Variants in BMP3 observed in about 807,000 individuals in gnomAD.
BMP3 encodes bone morphogenetic protein 3, also known as bone morphogenetic protein 3 (osteogenic).
In BMP3, 23 loss-of-function variants were observed where a neutral mutation model predicts 38.1. The ratio of observed to expected loss-of-function variants is 0.60; its 90% CI spans 0.43 to 0.86. The LOEUF (loss-of-function observed/expected upper bound fraction) is 0.86. BMP3 is among the 40% of genes least tolerant of loss of function. BMP3 has a pLI of 0.00. For synonymous variants in BMP3, 258 were observed against 225.7 expected (o/e 1.14, Z -1.28); for missense variants, 628 against 579.6 (o/e 1.08, Z -0.86).
At chr4:81,040,873 T>A (rs755041494) in intron 1 of BMP3, among the ~76,000 whole-genome samples, 3 of 152,228 alleles carry the variant, frequency 2.0e-5, no homozygotes, top group African/African-American at 4.8e-5. Context: ...CCCTTTTTTT[T>A]ATCATTATTA....
At position 81,045,988 on chromosome 4, in the gene BMP3, A is replaced by C. The variant is rs760185107; in HGVS notation, c.567A>C (p.Lys189Asn). 8.7e-6 allele frequency: 14 copies of C among 1,614,170 alleles called. No individual in the cohort carries two copies. Among genetic ancestry groups the C allele is most frequent in the Non-Finnish European group, 1.2e-5 (14 of 1,180,024 alleles). Residue 189 changes from lysine to asparagine, a missense_variant, in exon 2 of 3, where the codon AAA becomes AAC. Transcript: ENST00000282701. ...LLGHLSVDMA[K>N]SHRDIMSWLS... is the part of the protein sequence containing the mutation. The stretch of plus-strand genomic sequence containing the variant: ...GCCATCTGTCAGTGGATATGGCCAA[A>C]TCTCATCGAGATATTATGTCCTGGC...
chr4:81,047,804 G>C (rs1016454056), intron 2 of BMP3, among the ~76,000 whole-genome samples: 1 of 152,186 alleles, frequency 6.6e-6, no homozygotes, highest in East Asian at 1.9e-4. Flanking sequence ...GTCTGGCACA[G>C]TGGCATGCCC....
intron 1 of BMP3, among the ~76,000 whole-genome samples, chr4:81,035,028 A>G (rs1039354603): frequency 6.6e-6 from 1 of 152,066 alleles, no homozygotes; most frequent in Non-Finnish European, 1.5e-5. Context: ...TTGAAATTTA[A>G]AAGTACTTGG....
At chr4:81,053,159 C>T (rs1740441053) in intron 2 of BMP3, among the ~76,000 whole-genome samples, 186 bp from the exon 3 acceptor site, 3 of 152,108 alleles carry the variant, frequency 2.0e-5, no homozygotes. Context: ...GCAGCAGGCA[C>T]TTAATAAATA....
In BMP3 at chr4:81,031,608, C is replaced by T. The variant is rs1043609124; in HGVS notation, c.316+8C>T. ...TTCGGGCGGCAGCAGCAGGTGAGTGCGCGAGGTGAGACTCCCTTCCCGCGG... is the reference window on the plus strand; with the variant it reads ...TTCGGGCGGCAGCAGCAGGTGAGTGTGCGAGGTGAGACTCCCTTCCCGCGG... On this transcript the variant is annotated splice_region_variant and intron_variant, in intron 1 of 2. Coordinates refer to ENST00000282701, the MANE Select transcript of BMP3 (RefSeq NM_001201.5). 6.3e-7 allele frequency: 1 copy of T among 1,575,352 alleles called. No homozygotes were observed. Among genetic ancestry groups the T allele is most frequent in the East Asian group, 2.3e-5 (1 of 43,976 alleles).
In BMP3 at chr4:81,031,135, A is replaced by G. The variant is rs1187275577; in HGVS notation, c.-150A>G. On this transcript the variant is annotated 5_prime_UTR_variant, in exon 1 of 3. Coordinates refer to ENST00000282701, the MANE Select transcript of BMP3 (RefSeq NM_001201.5). Reference sequence around the variant, plus strand: ...AGCGCAGCAAGTGGGGCTGGCCGCTATCTCGCTGCACCCGGCCGCGTCCCG... The same window carrying G: ...AGCGCAGCAAGTGGGGCTGGCCGCTGTCTCGCTGCACCCGGCCGCGTCCCG... 2 of 807,742 alleles carry G rather than the reference A, an allele frequency of 2.5e-6. No homozygotes were observed. The highest frequency in any genetic ancestry group is 3.8e-6 in the Non-Finnish European group (2 of 531,454). 50.0% of individuals were successfully genotyped at this position (807,742 alleles called of 1,614,324 possible). A position where few individuals can be genotyped will look rare whatever the true frequency, so the allele number is the denominator to read the frequency against.
intron 1 of BMP3, 139 bp downstream of exon 1, chr4:81,031,739 A>G (rs1428039437): frequency 9.2e-7 from 1 of 1,086,972 alleles, no homozygotes; most frequent in African/African-American, 1.6e-5. Context: ...TGCCCTCTGG[A>G]TTCCTCCGTC....
intron 2 of BMP3, among the ~76,000 whole-genome samples, chr4:81,052,792 A>T (rs1740431569): frequency 6.6e-6 from 1 of 152,166 alleles, no homozygotes; most frequent in African/African-American, 2.4e-5. Context: ...TACCCCTCTG[A>T]CCTGCTTGGT....
intron 2 of BMP3, 36 bp from the exon 3 acceptor site, chr4:81,053,309 C>T (rs1042198150): frequency 6.9e-6 from 10 of 1,453,226 alleles, no homozygotes; most frequent in Non-Finnish European, 9.2e-6. Context: ...GCAGTTCCAC[C>T]TAACATATGT....
rs3038534 is a variant in BMP3 at position 81,043,590 on chromosome 4, AT to A, written c.317-2133del. On this transcript the variant is annotated intron_variant, in intron 1 of 2. Coordinates refer to ENST00000282701, the MANE Select transcript of BMP3 (RefSeq NM_001201.5). ...CCCAATGCTTATCAAGCATACTACAATTTTTTTTTTTTTTTGAGACAGCGTC... is the reference window on the plus strand; with the variant it reads ...CCCAATGCTTATCAAGCATACTACAATTTTTTTTTTTTTTGAGACAGCGTC... 9.5e-3 allele frequency among the ~76,000 whole-genome samples: 1,237 copies of A among 130,754 alleles called. 20 individuals are homozygous for A. Among genetic ancestry groups the A allele is most frequent in the African/African-American group, 0.026 (908 of 34,730 alleles). The allele number at this position is 130,754 out of a possible 152,430, so 85.8% of individuals were successfully genotyped here.
At chr4:81,048,008 G>A (rs1435119901) in intron 2 of BMP3, among the ~76,000 whole-genome samples, 1 of 150,270 alleles carries the variant, frequency 6.7e-6, no homozygotes, top group Admixed American at 6.6e-5. Context: ...AGCCTTTTCA[G>A]GGCCACAAAC....
intron 2 of BMP3, 110 bp from the exon 3 acceptor site, chr4:81,053,235 T>C: frequency 1.3e-6 from 1 of 792,248 alleles, no homozygotes; most frequent in East Asian, 2.9e-5. Context: ...AGAGGTTTTA[T>C]TAAATTGTTG....
rs984578913 is a variant in BMP3 at position 81,053,542 on chromosome 4, C to G, written c.*6C>G. 7.1e-7 allele frequency: 1 copy of G among 1,408,686 alleles called. No individual in the cohort carries two copies. The highest frequency in any genetic ancestry group is 2.6e-5 in the Admixed American group (1 of 38,742). 87.3% of individuals were successfully genotyped at this position (1,408,686 alleles called of 1,614,324 possible). On this transcript the variant is annotated 3_prime_UTR_variant, in exon 3 of 3. Transcript: ENST00000282701. ...AGTCTTGCGCTTGCAGATAACCTGG[C>G]AAAGAACTCATTTGAATGCTTAATT...
intron 1 of BMP3, among the ~76,000 whole-genome samples, chr4:81,035,531 C>A (rs560261092): frequency 6.6e-6 from 1 of 151,972 alleles, no homozygotes; most frequent in Non-Finnish European, 1.5e-5. Flanking sequence ...ATCAAATCTG[C>A]TTTTAAGCAT....
intron 1 of BMP3, among the ~76,000 whole-genome samples, chr4:81,032,110 C>T (rs1024650380): frequency 6.8e-6 from 1 of 146,478 alleles, no homozygotes; most frequent in African/African-American, 2.5e-5. Flanking sequence ...CCAGTCGCTT[C>T]TCCAGATATT....
rs775728617 is a variant in BMP3, at chr4:81,046,432, A to G, written c.1011A>G (p.Lys337=). The G allele has an allele frequency of 3.7e-6, 6 of 1,613,682 alleles. No individual in the cohort carries two copies. The highest frequency in any genetic ancestry group is 1.3e-5 in the African/African-American group (1 of 74,926). ...CTGAAAAGAGTAAGAATAAAAAGAA[A>G]CAGAGAAAGGGGCCTCATCGGAAGA... ...QAPEKSKNKK[K]QRKGPHRKSQ... is the part of the protein sequence containing the mutation. Residue 337 remains lysine, a synonymous_variant, in exon 2 of 3, where the codon AAA becomes AAG. Transcript: ENST00000282701.
chr4:81,045,946 C>T lies in BMP3; in HGVS notation c.525C>T (p.Asn175=). ...CATGGACCCTCAAATTCAGCAGAAA[C>T]CAAAGTCAACTCCTTGGCCATCTGT... The part of the protein sequence containing the change: ...LSAWTLKFSR[N]QSQLLGHLSV... Residue 175 remains asparagine (N), a synonymous_variant, in exon 2 of 3, where the codon AAC becomes AAT. Transcript: ENST00000282701. 1 of 1,614,002 alleles carries T rather than the reference C, an allele frequency of 6.2e-7. No homozygotes were observed.
chr4:81,044,976 T>C (rs758804528), intron 1 of BMP3, among the ~76,000 whole-genome samples: 2 of 152,228 alleles, frequency 1.3e-5, no homozygotes, highest in African/African-American at 2.4e-5. Context: ...CGTGTATACA[T>C]AGGAGAGCAA....
At chr4:81,043,589 A>ACTTTTTTTTT (rs1560511859) in intron 1 of BMP3, among the ~76,000 whole-genome samples, 1 of 18,666 alleles carries the variant, frequency 5.4e-5, no homozygotes, top group Non-Finnish European at 1.5e-4. Flanking sequence ...AGCATACTAC[A>ACTTTTTTTTT]ATTTTTTTTT....
Sources: allele counts gnomAD v4.1 joint callset (sites outside exome capture counted in the v4.1 genomes callset), GRCh38; gene constraint gnomAD v4.1.1; transcripts MANE v1.5; gene names NCBI Gene and HGNC (gene_info 2026-07-23, HGNC 2026-07-21).